The following METTL8 variants were observed in gnomAD, a reference collection of about 807,000 sequenced individuals.
METTL8 encodes tRNA N(3)-cytidine methyltransferase METTL8, mitochondrial.
In METTL8, 32 loss-of-function variants were observed where a neutral mutation model predicts 48.7. That is an observed-to-expected ratio of 0.66 (90% CI 0.50 to 0.88). The LOEUF is 0.88. Among genes scored for constraint, METTL8 ranks in the 40% least tolerant of loss-of-function variants. The probability of loss-of-function intolerance (pLI) is 0.00; values close to 1 mark genes in which losing one functional copy is unlikely to be tolerated. For missense variants in METTL8, 464 were observed against 474.4 expected, an observed-to-expected ratio of 0.98 and a Z score of 0.20; for synonymous variants, 136 against 157.1, an observed-to-expected ratio of 0.87 and a Z score of 1.01.
chr2:171,379,144 G>T (rs1412085039), intron 2 of METTL8, among the ~76,000 whole-genome samples: 4 of 152,168 alleles, frequency 2.6e-5, no homozygotes, highest in African/African-American at 9.7e-5. Context: ...TGAACAACTT[G>T]CTCCGGAATG....
intron 2 of METTL8, among the ~76,000 whole-genome samples, chr2:171,366,078 C>T (rs1395048846): frequency 6.6e-6 from 1 of 151,804 alleles, no homozygotes; most frequent in Non-Finnish European, 1.5e-5. Flanking sequence ...CAAGAGTTCT[C>T]CTAAGGTTTT....
intron 1 of METTL8, among the ~76,000 whole-genome samples, chr2:171,424,879 G>A (rs1692246940): frequency 6.6e-6 from 1 of 152,096 alleles, no homozygotes; most frequent in African/African-American, 2.4e-5. Flanking sequence ...AGAATGATAT[G>A]GTTTGGCTGT....
chr2:171,400,766 T>C (rs1206608445), intron 1 of METTL8, among the ~76,000 whole-genome samples: 1 of 152,180 alleles, frequency 6.6e-6, no homozygotes, highest in East Asian at 1.9e-4. Context: ...CTTTTTAAGA[T>C]GGTTCCTAAG....
chr2:171,406,178 G>T (rs62181359), intron 1 of METTL8, among the ~76,000 whole-genome samples: 1 of 152,190 alleles, frequency 6.6e-6, no homozygotes, highest in South Asian at 2.1e-4. Context: ...ATACCTCTGG[G>T]CATAGTGATT....
chr2:171,434,076 C>A (rs905834885), upstream of METTL8: 2 of 312,032 alleles, frequency 6.4e-6, no homozygotes, highest in African/African-American at 2.3e-5. Context: ...GCCCCCAGGG[C>A]TCTGCCCAGC....
At chr2:171,332,209 T>C (rs1417000790) in intron 5 of METTL8, 1 of 175,490 alleles carries the variant, frequency 5.7e-6, no homozygotes, top group Non-Finnish European at 1.2e-5. Flanking sequence ...ATATCTGGAG[T>C]CTAGAAATAC....
At chr2:171,360,602 T>C in intron 2 of METTL8, 89 bp from the exon 3 acceptor site, 1 of 1,108,274 alleles carries the variant, frequency 9.0e-7, no homozygotes, top group Non-Finnish European at 1.3e-6. Context: ...TCATTCTAGA[T>C]TAGCTGAAGA....
intron 2 of METTL8, among the ~76,000 whole-genome samples, chr2:171,386,038 T>C (rs1688018280): frequency 1.3e-5 from 2 of 152,222 alleles, no homozygotes; most frequent in South Asian, 2.1e-4. Context: ...AGGATTCTTG[T>C]GCAGCCAGCC....
chr2:171,427,167 C>G (rs1376633093), intron 1 of METTL8, among the ~76,000 whole-genome samples: 1 of 152,122 alleles, frequency 6.6e-6, no homozygotes, highest in Non-Finnish European at 1.5e-5. Flanking sequence ...TCCTTAATAT[C>G]CACTGTATCA....
chr2:171,396,163 G>A (rs1689043863), intron 1 of METTL8, among the ~76,000 whole-genome samples: 1 of 151,922 alleles, frequency 6.6e-6, no homozygotes, highest in South Asian at 2.1e-4. Flanking sequence ...ATAATCAGCT[G>A]AGGCACAAGA....
chr2:171,336,772 T>C (rs913737494), intron 5 of METTL8, among the ~76,000 whole-genome samples: 2 of 152,072 alleles, frequency 1.3e-5, no homozygotes, highest in African/African-American at 4.8e-5. Flanking sequence ...CAATTGTCTA[T>C]GTGTAAAATG....
chr2:171,386,716 G>A (rs1410788973), intron 2 of METTL8, among the ~76,000 whole-genome samples: 2 of 152,130 alleles, frequency 1.3e-5, no homozygotes, highest in African/African-American at 4.8e-5. Flanking sequence ...CGTGGTCCCT[G>A]GCTAGGGCTC....
intron 1 of METTL8, among the ~76,000 whole-genome samples, chr2:171,429,313 T>C (rs944714793): frequency 5.3e-5 from 8 of 152,182 alleles, no homozygotes; most frequent in African/African-American, 1.9e-4. Context: ...ATGATGTTGT[T>C]TGTCAAGTAA....
chr2:171,425,844 C>G (rs536030257), intron 1 of METTL8, among the ~76,000 whole-genome samples: 1 of 152,280 alleles, frequency 6.6e-6, no homozygotes, highest in Non-Finnish European at 1.5e-5. Context: ...ATGTCTATAA[C>G]AGCACTTTCC....
At chr2:171,367,999 G>T (rs1028045121) in intron 2 of METTL8, among the ~76,000 whole-genome samples, 12 of 152,112 alleles carry the variant, frequency 7.9e-5, no homozygotes, top group Non-Finnish European at 1.3e-4. Context: ...ACAATGAGGG[G>T]TAAAACTACA....
Position 171,316,584 on chromosome 2 carries a change from G to A in METTL8, c.*7588C>T, listed in dbSNP as rs956828904. On this transcript the variant is annotated 3_prime_UTR_variant, in exon 10 of 10. Transcript: ENST00000375258. ...TGCAAATGAAGAGACATCTCAGAGA[G>A]TGGTGGATTAAGAATATATTCATGG... is the stretch of plus-strand genomic sequence containing the variant. 6.6e-6 allele frequency among the ~76,000 whole-genome samples: 1 copy of A among 152,214 alleles called. No homozygotes were observed. The highest frequency in any genetic ancestry group is 1.5e-5 in the Non-Finnish European group (1 of 68,040).
chr2:171,411,665 A>G (rs1243545994), intron 1 of METTL8, among the ~76,000 whole-genome samples: 1 of 152,232 alleles, frequency 6.6e-6, no homozygotes, highest in East Asian at 1.9e-4. Context: ...ACATCAAAAT[A>G]AATTCCAGAT....
intron 3 of METTL8, among the ~76,000 whole-genome samples, chr2:171,355,489 C>A (rs1014355125): frequency 1.3e-5 from 2 of 152,222 alleles, no homozygotes; most frequent in African/African-American, 4.8e-5. Context: ...CTACTCTCTT[C>A]AAAGCTGTCA....
chr2:171,369,262 C>T (rs1234202452), intron 2 of METTL8, among the ~76,000 whole-genome samples: 4 of 152,262 alleles, frequency 2.6e-5, no homozygotes, highest in East Asian at 1.9e-4. Flanking sequence ...GCCGAGATCG[C>T]GCCACTGTAC....
Sources: gnomAD v4.1 joint callset for allele counts (sites outside exome capture counted in the v4.1 genomes callset) on GRCh38, gnomAD v4.1.1 for gene constraint, MANE v1.5 for transcripts, NCBI Gene and HGNC (gene_info 2026-07-23, HGNC 2026-07-21) for gene names.